Variants in RBFOX1 observed in about 807,000 individuals in gnomAD.
The protein encoded by RBFOX1 is RNA binding fox-1 homolog 1.
In RBFOX1, 8 loss-of-function variants were observed where a neutral mutation model predicts 57.7. The observed-to-expected ratio is 0.14, with a 90% CI of 0.08 to 0.25. RBFOX1 has a LOEUF of 0.25. RBFOX1 is among the 10% of genes least tolerant of loss of function. The pLI, the probability that RBFOX1 is intolerant of heterozygous loss-of-function variation, is 1.00. For missense variants in RBFOX1, 611 were observed against 548.5 expected (o/e 1.11, Z -1.14); for synonymous variants, 326 against 222.4 (o/e 1.47, Z -4.15).
intron 4 of RBFOX1, among the ~76,000 whole-genome samples, chr16:7,224,393 T>C (rs762435739): frequency 6.6e-6 from 1 of 152,186 alleles, no homozygotes; most frequent in East Asian, 1.9e-4. Flanking sequence ...CCATGCAAAT[T>C]AGTGGAACTT....
rs769526087 is a variant in RBFOX1, at chr16:5,424,979, T to TTTCTTTCTTTCTTTCTTTC, written c.220-42235_220-42234insCTTTCTTTCTTTCTTTCTT. ...TTGTTTCTTTCTCTTTCTTTCTTTC[T>TTTCTTTCTTTCTTTCTTTC]TTTCTTTTCTTTTCTTTTCTTTTCT... On this transcript the variant is annotated intron_variant, in intron 1 of 2. Transcript: ENST00000585867. 3.2e-5 allele frequency among the ~76,000 whole-genome samples: 2 copies of TTTCTTTCTTTCTTTCTTTC among 61,810 alleles called. 1 individual carries two copies. Among genetic ancestry groups the TTTCTTTCTTTCTTTCTTTC allele is most frequent in the African/African-American group, 1.9e-4 (2 of 10,288 alleles). 40.5% of individuals were successfully genotyped at this position (61,810 alleles called of 152,430 possible).
At chr16:7,663,812 G>A (rs1189639463) in intron 12 of RBFOX1, among the ~76,000 whole-genome samples, 1 of 152,144 alleles carries the variant, frequency 6.6e-6, no homozygotes, top group Non-Finnish European at 1.5e-5. Flanking sequence ...ACAAAAACCT[G>A]TGAAGGCTAC....
intron 1 of RBFOX1, among the ~76,000 whole-genome samples, chr16:5,312,813 C>G (rs556120668): frequency 2.6e-5 from 4 of 152,264 alleles, no homozygotes; most frequent in African/African-American, 9.6e-5. Flanking sequence ...TCGTAAGATC[C>G]TTGGACAGAG....
chr16:6,976,892 A>G (rs2087054873), intron 3 of RBFOX1, among the ~76,000 whole-genome samples: 2 of 146,794 alleles, frequency 1.4e-5, no homozygotes, highest in East Asian at 3.9e-4. Context: ...TATCACATAT[A>G]TGGTGTATAT....
intron 10 of RBFOX1, among the ~76,000 whole-genome samples, chr16:7,608,984 C>A (rs1313381916): frequency 1.3e-5 from 2 of 152,036 alleles, no homozygotes; most frequent in African/African-American, 4.8e-5. Context: ...GGATCGGGGG[C>A]ATGGCAGTTT....
chr16:5,945,486 G>C (rs1401841705), intron 4 of RBFOX1, among the ~76,000 whole-genome samples: 1 of 152,218 alleles, frequency 6.6e-6, no homozygotes, highest in African/African-American at 2.4e-5. Context: ...CATGTGCCAG[G>C]CTGTGGATTG....
At chr16:5,818,384 C>A (rs190056604) in intron 3 of RBFOX1, among the ~76,000 whole-genome samples, 2 of 152,156 alleles carry the variant, frequency 1.3e-5, no homozygotes, top group African/African-American at 4.8e-5. Flanking sequence ...TGAGGGGATA[C>A]CATTGTGTCC....
At chr16:5,477,498 G>T (rs1028464200) in intron 2 of RBFOX1, among the ~76,000 whole-genome samples, 47 of 152,152 alleles carry the variant, frequency 3.1e-4, no homozygotes, top group Non-Finnish European at 1.5e-5. Context: ...TTTGGGAAAC[G>T]ATCTTACTTT....
chr16:7,606,642 G>A (rs2095297192), intron 9 of RBFOX1, among the ~76,000 whole-genome samples: 1 of 152,206 alleles, frequency 6.6e-6, no homozygotes, highest in Admixed American at 6.5e-5. Context: ...CAGAACATTT[G>A]GAAAATTACA....
intron 2 of RBFOX1, among the ~76,000 whole-genome samples, chr16:6,586,840 A>C (rs1374321258): frequency 6.6e-6 from 1 of 152,340 alleles, no homozygotes; most frequent in Non-Finnish European, 1.5e-5. Flanking sequence ...ATTATAGGAG[A>C]AAGGGAAAAG....
At chr16:6,134,006 G>C (rs542607342) in intron 1 of RBFOX1, among the ~76,000 whole-genome samples, 153 of 151,626 alleles carry the variant, frequency 1.0e-3, no homozygotes, top group African/African-American at 3.6e-3. Flanking sequence ...GCGCAGTCTC[G>C]GTTCAGTGCA....
chr16:5,506,633 G>C (rs1414768463), intron 2 of RBFOX1, among the ~76,000 whole-genome samples: 1 of 152,138 alleles, frequency 6.6e-6, no homozygotes, highest in Non-Finnish European at 1.5e-5. Context: ...AGGCAGTGGG[G>C]CTGGCCTGAT....
At chr16:5,487,354 G>T (rs371772226) in intron 2 of RBFOX1, among the ~76,000 whole-genome samples, 1 of 152,188 alleles carries the variant, frequency 6.6e-6, no homozygotes, top group South Asian at 2.1e-4. Flanking sequence ...ATGAATGGGG[G>T]AATGATGAGA....
intron 1 of RBFOX1, among the ~76,000 whole-genome samples, chr16:6,234,814 C>G (rs924033550): frequency 4.2e-5 from 6 of 142,168 alleles, no homozygotes; most frequent in African/African-American, 7.5e-5. Context: ...GAACTACACA[C>G]AGACACACAC....
intron 3 of RBFOX1, among the ~76,000 whole-genome samples, chr16:6,692,493 A>G (rs1053761425): frequency 1.3e-5 from 2 of 152,162 alleles, no homozygotes; most frequent in Non-Finnish European, 2.9e-5. Flanking sequence ...CCTGTGGCCT[A>G]ACAAAGAAAC....
intron 2 of RBFOX1, among the ~76,000 whole-genome samples, chr16:6,431,905 C>G (rs1225453645): frequency 1.1e-5 from 1 of 87,060 alleles, no homozygotes; most frequent in Non-Finnish European, 2.7e-5. Context: ...TGCTTTCTTT[C>G]TTTCTTTCTT....
intron 4 of RBFOX1, among the ~76,000 whole-genome samples, chr16:5,875,148 G>T (rs550900412): frequency 6.6e-6 from 1 of 152,294 alleles, no homozygotes; most frequent in East Asian, 1.9e-4. Flanking sequence ...GTTGATAATT[G>T]CAGCCATCAT....
intron 2 of RBFOX1, among the ~76,000 whole-genome samples, chr16:5,502,864 C>T (rs1217424141): frequency 2.0e-5 from 3 of 152,200 alleles, no homozygotes; most frequent in Non-Finnish European, 4.4e-5. Flanking sequence ...GAGACCAGAG[C>T]ACAGGAGCAA....
At chr16:7,511,767 TGA>T (rs777347207) in intron 4 of RBFOX1, among the ~76,000 whole-genome samples, 14 of 152,294 alleles carry the variant, frequency 9.2e-5, no homozygotes, top group Non-Finnish European at 1.6e-4. Context: ...TCTCGTTGAC[TGA>T]GAGGTTTGGT....
Sources: gnomAD v4.1 joint callset for allele counts (sites outside exome capture counted in the v4.1 genomes callset) on GRCh38, gnomAD v4.1.1 for gene constraint, MANE v1.5 for transcripts, NCBI Gene and HGNC (gene_info 2026-07-23, HGNC 2026-07-21) for gene names.